QPCTL: variants seen among roughly 807,000 people sequenced by gnomAD.
QPCTL encodes the protein glutaminyl-peptide cyclotransferase like.
QPCTL carries 31 observed loss-of-function variants against 34.6 expected under a neutral mutation model. The observed-to-expected ratio is 0.90, with a 90% CI of 0.67 to 1.21. The LOEUF (loss-of-function observed/expected upper bound fraction) is 1.21. Ranked by LOEUF, QPCTL falls within the 50% of genes most tolerant of loss-of-function variation. QPCTL has a pLI of 0.00. For synonymous variants in QPCTL, 223 were observed against 226.9 expected (o/e 0.98, Z 0.15); for missense variants, 474 against 507.8 (o/e 0.93, Z 0.64).
At chr19:45,696,615 G>C (rs1410551751) in intron 3 of QPCTL, among the ~76,000 whole-genome samples, 4 of 151,542 alleles carry the variant, frequency 2.6e-5, no homozygotes, top group African/African-American at 9.7e-5. Flanking sequence ...TTATCTGGGA[G>C]TAGTGGCATG....
rs758417138 is a variant in QPCTL at position 45,701,905 on chromosome 19, C to A, written c.994C>A (p.Leu332Ile). The change falls in exon 6 of 7, where the codon CTC (leucine) becomes ATC (isoleucine). Residue 332 changes from leucine (L) to isoleucine (I), a missense_variant. By Grantham distance (5) the Leu-to-Ile change is conservative. Transcript: ENST00000012049. ...GSVEDDHIPF[L>I]RRGVPVLHLI... is the part of the protein sequence containing the mutation. ...TGTGGAAGACGACCACATCCCCTTC[C>A]TCCGCAGAGGTACCAGCTGCAGGGA... 30 of 1,611,050 alleles carry A rather than the reference C, an allele frequency of 1.9e-5. No homozygotes were observed. Among genetic ancestry groups the A allele is most frequent in the South Asian group, 1.8e-4 (16 of 90,992 alleles).
At chr19:45,694,534 G>A (rs62111728) in intron 2 of QPCTL, among the ~76,000 whole-genome samples, 59 of 151,726 alleles carry the variant, frequency 3.9e-4, no homozygotes, top group Non-Finnish European at 6.5e-4. Flanking sequence ...GCAGTGGCGC[G>A]ATCTCGGCTC....
In QPCTL at chr19:45,698,895, G is replaced by A. The variant is rs770941791; in HGVS notation, c.881G>A (p.Ser294Asn). The A allele has an allele frequency of 6.8e-6, 11 of 1,613,670 alleles. No individual in the cohort carries two copies. The South Asian group carries it at 1.2e-4, about 18-fold the overall frequency. ...GTCCGCTGGTTCCATCGGCTGAGGA[G>A]CATTGGTAAGGGTGAATGCGGAGGT... ...RTVRWFHRLR[S>N]IEKRLHRLNL... The change falls in exon 5 of 7, where the codon AGC becomes AAC. Residue 294 changes from serine to asparagine, a missense_variant. Physicochemically the swap from Ser to Asn is conservative, Grantham distance 46 (BLOSUM62 1). Coordinates refer to ENST00000012049, the MANE Select transcript of QPCTL (RefSeq NM_017659.4).
intron 5 of QPCTL, among the ~76,000 whole-genome samples, chr19:45,699,343 A>G (rs1029175523): frequency 2.7e-5 from 4 of 150,532 alleles, no homozygotes; most frequent in Non-Finnish European, 5.9e-5. Context: ...CCCATCTCTT[A>G]AAAAAAAATT....
At chr19:45,701,107 C>T (rs970351233) in intron 5 of QPCTL, among the ~76,000 whole-genome samples, 1 of 107,136 alleles carries the variant, frequency 9.3e-6, no homozygotes, top group East Asian at 3.1e-4. Flanking sequence ...CATTTCTACA[C>T]ACACGCGCAC....
chr19:45,695,805 C>T (rs1320597751), intron 3 of QPCTL, 87 bp downstream of exon 3: 1 of 1,422,170 alleles, frequency 7.0e-7, no homozygotes, highest in East Asian at 2.5e-5. Flanking sequence ...TTTGTCATCC[C>T]TCTCGTCTTC....
chr19:45,699,657 G>A lies in QPCTL; in HGVS notation c.886+757G>A, dbSNP rs1019054442. Among the ~76,000 whole-genome samples the A allele has an allele frequency of 2.6e-5, 4 of 151,630 alleles. No individual in the cohort carries two copies. In the East Asian group the frequency reaches 7.8e-4, roughly 30 times the overall value. ...AATAAAAACAAACATTAGGCCAGGC[G>A]CGATGGCTCACACCTGTAATCCCAG... On this transcript the variant is annotated intron_variant, in intron 5 of 6. Coordinates refer to ENST00000012049, the MANE Select transcript of QPCTL (RefSeq NM_017659.4).
rs185583200 is a variant in QPCTL, at chr19:45,702,656, C to T, written c.1004-248C>T. Among the ~76,000 whole-genome samples, 73 of 151,484 alleles carry T rather than the reference C, an allele frequency of 4.8e-4. 1 individual carries two copies. The East Asian group carries it at 8.5e-3, about 18-fold the overall frequency. On this transcript the variant is annotated intron_variant, in intron 6 of 6. Coordinates refer to ENST00000012049, the MANE Select transcript of QPCTL (RefSeq NM_017659.4). ...GTGCCTGCCTATAATCCCAGCTACC[C>T]GGGAGGCTAAGACGGTAGAATCGCT...
At position 45,693,653 on chromosome 19, in the gene QPCTL, C is replaced by T; in HGVS notation, c.351+97C>T. ...ATCCCAAAGAAGCTAAGAGGAGGAA[C>T]TGGGGCTCTGACTGGAGTTAATCGG... On this transcript the variant is annotated intron_variant, in intron 2 of 6. Transcript: ENST00000012049. 5 of 1,472,996 alleles carry T rather than the reference C, an allele frequency of 3.4e-6. No homozygotes were observed. In the South Asian group the frequency reaches 7.1e-5, roughly 21 times the overall value. 91.2% of individuals were successfully genotyped at this position (1,472,996 alleles called of 1,614,324 possible). A position where few individuals can be genotyped will look rare whatever the true frequency, so the allele number is the denominator to read the frequency against.
At chr19:45,698,522 G>T (rs1238668726) in intron 3 of QPCTL, 25 bp from the exon 4 acceptor site, 2 of 1,612,852 alleles carry the variant, frequency 1.2e-6, no homozygotes, top group African/African-American at 1.3e-5. Flanking sequence ...AGCTGGCTCT[G>T]GCCACCCCCC....
rs1337244353 is a variant in QPCTL, at chr19:45,703,281, C to G, written c.*232C>G. The stretch of plus-strand genomic sequence containing the variant: ...TGACAGCCAGAGGAATAAGAACTTG[C>G]TCCCTCCCCAGAGGTAAACACTTGG... On this transcript the variant is annotated 3_prime_UTR_variant, in exon 7 of 7. Coordinates refer to ENST00000012049, the MANE Select transcript of QPCTL (RefSeq NM_017659.4). The G allele has an allele frequency of 5.3e-6, 3 of 562,870 alleles. No individual in the cohort carries two copies. Among genetic ancestry groups the G allele is most frequent in the Non-Finnish European group, 9.4e-6 (3 of 318,268 alleles). 34.9% of individuals were successfully genotyped at this position (562,870 alleles called of 1,614,324 possible). A position where few individuals can be genotyped will look rare whatever the true frequency, so the allele number is the denominator to read the frequency against.
chr19:45,700,036 G>C (rs756297256), intron 5 of QPCTL, among the ~76,000 whole-genome samples: 6 of 151,852 alleles, frequency 4.0e-5, no homozygotes, highest in Non-Finnish European at 8.8e-5. Flanking sequence ...GGGAGGTCGA[G>C]GCTGCAGTAA....
chr19:45,702,806 T>G, intron 6 of QPCTL, 98 bp from the exon 7 acceptor site: 2 of 1,369,938 alleles, frequency 1.5e-6, no homozygotes, highest in East Asian at 2.3e-5. Context: ...CTTTCACCAG[T>G]GTGTGGTGGC....
In QPCTL at chr19:45,695,714, A is replaced by C. The variant is rs777099724; in HGVS notation, c.629A>C (p.Lys210Thr). 3 of 1,607,318 alleles carry C rather than the reference A, an allele frequency of 1.9e-6. No individual in the cohort carries two copies. In the South Asian group the frequency reaches 3.3e-5, roughly 18 times the overall value. Residue 210 changes from lysine to threonine, a missense_variant, in exon 3 of 7, where the codon AAA becomes ACA. Transcript: ENST00000012049. Reference protein sequence around the residue: ...ALDLELSRAKKQAAPVTLQLL... With the variant: ...ALDLELSRAKTQAAPVTLQLL... Reference sequence around the variant, plus strand: ...GACCTGGAGCTGAGCAGGGCCAAAAAACAGGTGAGGAGCAGGAGTCGGGGA... The same window carrying C: ...GACCTGGAGCTGAGCAGGGCCAAAACACAGGTGAGGAGCAGGAGTCGGGGA...
In QPCTL at chr19:45,692,778, G is replaced by T; in HGVS notation, c.75G>T (p.Pro25=). 6.3e-7 allele frequency: 1 copy of T among 1,589,086 alleles called. No individual in the cohort carries two copies. Among genetic ancestry groups the T allele is most frequent in the Non-Finnish European group, 8.6e-7 (1 of 1,167,730 alleles). The change falls in exon 1 of 7, where the codon CCG becomes CCT. Residue 25 remains proline, a synonymous_variant. Coordinates refer to ENST00000012049, the MANE Select transcript of QPCTL (RefSeq NM_017659.4). ...GCCTCATGGAGCCACTCTTGCCGCC[G>T]AAGCGCCGCCTGCTACCGCGGGTTC... ...ERGLMEPLLP[P]KRRLLPRVRL...
At chr19:45,692,937 C>G in intron 1 of QPCTL, 27 bp downstream of exon 1, 1 of 1,526,634 alleles carries the variant, frequency 6.6e-7, no homozygotes, top group Non-Finnish European at 8.8e-7. Flanking sequence ...ACCCGGGCAC[C>G]GCGGGGACCC....
Position 45,698,680 on chromosome 19 carries a change from C to T in QPCTL, c.767C>T (p.Pro256Leu). 1.2e-6 allele frequency: 2 copies of T among 1,614,160 alleles called. No homozygotes were observed. Among genetic ancestry groups the T allele is most frequent in the Non-Finnish European group, 1.7e-6 (2 of 1,180,020 alleles). The change falls in exon 4 of 7, where the codon CCC (proline) becomes CTC (leucine). Residue 256 changes from proline to leucine, a missense_variant. Pro to Leu is a moderately conservative substitution (Grantham distance 98, BLOSUM62 -3). Transcript: ENST00000012049. ...GAGTCTATACCTCACAGCCCCGGCC[C>T]CACCAGGATCCAGGCTATTGTAAGA... Reference protein sequence around the residue: ...LMESIPHSPGPTRIQAIELFM... With the variant: ...LMESIPHSPGLTRIQAIELFM...
chr19:45,695,841 C>A, intron 3 of QPCTL, 123 bp downstream of exon 3: 1 of 1,138,998 alleles, frequency 8.8e-7, no homozygotes, highest in Non-Finnish European at 1.2e-6. Flanking sequence ...CACAGAGCCA[C>A]AGGGATCTTT....
In QPCTL at chr19:45,703,070, G is replaced by A. The variant is rs1307418416; in HGVS notation, c.*21G>A. ...TCTAGCGTGCTTGGCCAATGACTGT[G>A]GAGAGGACTGTGAGAGAGAAGGTCC... On this transcript the variant is annotated 3_prime_UTR_variant, in exon 7 of 7. Transcript: ENST00000012049. 1.2e-6 allele frequency: 2 copies of A among 1,613,998 alleles called. No individual in the cohort carries two copies. The highest frequency in any genetic ancestry group is 1.7e-6 in the Non-Finnish European group (2 of 1,179,878).
Sources: gnomAD v4.1 joint callset for allele counts (sites outside exome capture counted in the v4.1 genomes callset) on GRCh38, gnomAD v4.1.1 for gene constraint, MANE v1.5 for transcripts, NCBI Gene and HGNC (gene_info 2026-07-23, HGNC 2026-07-21) for gene names.